The following TIPARP variants were observed in gnomAD, a reference collection of about 807,000 sequenced individuals.
TIPARP encodes the protein protein mono-ADP-ribosyltransferase TIPARP.
A neutral mutation model predicts 56.5 loss-of-function variants in TIPARP; 12 were observed. That is an observed-to-expected ratio of 0.21 (90% CI 0.14 to 0.34). The LOEUF (loss-of-function observed/expected upper bound fraction) is 0.34, where lower values mean the gene tolerates loss of function less well. TIPARP is among the 10% of genes least tolerant of loss of function. The pLI is 1.00. For synonymous variants in TIPARP, 296 were observed against 265.7 expected (o/e 1.11, Z -1.11); for missense variants, 604 against 781.6 (o/e 0.77, Z 2.71).
Position 156,694,051 on chromosome 3 carries a change from A to C in TIPARP, c.949A>C (p.Met317Leu), listed in dbSNP as rs1466086841. ...AGAATTTTGGGCAGATTTGAATGCC[A>C]TGAACGTGTATGAAACAACTGAATT... ...GQEFWADLNA[M>L]NVYETTEFDQ... Residue 317 changes from methionine to leucine, a missense_variant, in exon 3 of 6, where the codon ATG (methionine) becomes CTG (leucine). This residue lies in a region of TIPARP where 252 missense variants were observed against 303.9 expected (regional missense o/e 0.83). Coordinates refer to ENST00000295924, the MANE Select transcript of TIPARP (RefSeq NM_015508.5). 1 of 1,611,924 alleles carries C rather than the reference A, an allele frequency of 6.2e-7. No individual in the cohort carries two copies. The highest frequency in any genetic ancestry group is 1.1e-5 in the South Asian group (1 of 90,496).
chr3:156,688,703 T>C (rs1200014392), intron 2 of TIPARP, among the ~76,000 whole-genome samples: 1 of 152,196 alleles, frequency 6.6e-6, no homozygotes, highest in South Asian at 2.1e-4. Flanking sequence ...TGAAGGGATA[T>C]AAGCTGCCAG....
chr3:156,695,014 A>G (rs1054701821), intron 3 of TIPARP, among the ~76,000 whole-genome samples: 8 of 152,198 alleles, frequency 5.3e-5, no homozygotes, highest in African/African-American at 1.7e-4. Context: ...TCTACCTTCC[A>G]AAGAGAATAC....
At chr3:156,698,881 G>C (rs1259081346) in intron 4 of TIPARP, among the ~76,000 whole-genome samples, 1 of 152,146 alleles carries the variant, frequency 6.6e-6, no homozygotes, top group Non-Finnish European at 1.5e-5. Flanking sequence ...ATGCCATTAA[G>C]AACATCGTGA....
chr3:156,692,684 C>T (rs927707725), intron 2 of TIPARP, among the ~76,000 whole-genome samples: 7 of 152,056 alleles, frequency 4.6e-5, no homozygotes, highest in African/African-American at 1.7e-4. Context: ...GAACCTGATT[C>T]ATAAATTGTG....
intron 2 of TIPARP, among the ~76,000 whole-genome samples, chr3:156,693,145 A>G (rs984335809): frequency 6.6e-6 from 1 of 152,122 alleles, no homozygotes; most frequent in Admixed American, 6.6e-5. Flanking sequence ...TCTTATAGTA[A>G]CTTTCAAACA....
rs7620432 is a variant in TIPARP, at chr3:156,703,723, G to A, written c.1526+21G>A. The stretch of plus-strand genomic sequence containing the variant: ...AAAAGGTGAGTCAGATGTATGAAAA[G>A]TTCAAGACGGCCGGGCGCAGTGGCT... On this transcript the variant is annotated intron_variant, in intron 5 of 5. Coordinates refer to ENST00000295924, the MANE Select transcript of TIPARP (RefSeq NM_015508.5). 6.7e-3 allele frequency: 10,627 copies of A among 1,593,922 alleles called. 654 individuals are homozygous for A. The African/African-American group carries it at 0.13, about 19-fold the overall frequency.
intron 1 of TIPARP, chr3:156,675,805 G>C (rs1452364440): frequency 6.6e-6 from 1 of 152,094 alleles, no homozygotes; most frequent in Non-Finnish European, 1.5e-5. Context: ...TGTGTCGCCT[G>C]CCGCTGGAGA....
chr3:156,689,444 A>C (rs1157963086), intron 2 of TIPARP, among the ~76,000 whole-genome samples: 2 of 152,194 alleles, frequency 1.3e-5, no homozygotes. Flanking sequence ...AATATTGATA[A>C]ATATCCTAAT....
At chr3:156,688,939 CATA>C (rs1722501847) in intron 2 of TIPARP, among the ~76,000 whole-genome samples, 1 of 152,056 alleles carries the variant, frequency 6.6e-6, no homozygotes, top group Non-Finnish European at 1.5e-5. Flanking sequence ...CACTTTACAT[CATA>C]ATAATAAAAT....
At chr3:156,681,182 C>G (rs1370842573) in intron 2 of TIPARP, 2 of 456,636 alleles carry the variant, frequency 4.4e-6, no homozygotes, top group Non-Finnish European at 8.8e-6. Flanking sequence ...CAAGCTGGAG[C>G]AGCCCAGGTT....
chr3:156,702,888 C>T (rs1354464607), intron 4 of TIPARP, among the ~76,000 whole-genome samples: 4 of 152,102 alleles, frequency 2.6e-5, no homozygotes, highest in Non-Finnish European at 5.9e-5. Flanking sequence ...TCTTAGAAAA[C>T]GAAGCAAATG....
In TIPARP at chr3:156,704,042, A is replaced by C. The variant is rs557227636; in HGVS notation, c.1526+340A>C. Among the ~76,000 whole-genome samples, 4 of 151,746 alleles carry C rather than the reference A, an allele frequency of 2.6e-5. No homozygotes were observed. In the East Asian group the frequency reaches 7.7e-4, roughly 29 times the overall value. The stretch of plus-strand genomic sequence containing the variant: ...AAAAAAAAAAAAAAGTTCAAGAATC[A>C]AGAGAGCTTTATTGTAGCCAGTGTC... On this transcript the variant is annotated intron_variant, in intron 5 of 5. Coordinates refer to ENST00000295924, the MANE Select transcript of TIPARP (RefSeq NM_015508.5).
chr3:156,686,771 C>G (rs1013259575), intron 2 of TIPARP, among the ~76,000 whole-genome samples: 1 of 152,030 alleles, frequency 6.6e-6, no homozygotes, highest in African/African-American at 2.4e-5. Context: ...ATAACTATAA[C>G]TAGTAGTTAT....
chr3:156,677,651 TC>T lies in TIPARP; in HGVS notation c.-41-5del, dbSNP rs1431572280. On this transcript the variant is annotated splice_region_variant and splice_polypyrimidine_tract_variant and intron_variant, in intron 1 of 5. Transcript: ENST00000295924. The stretch of plus-strand genomic sequence containing the variant: ...TAAATGATCATCTTCCTTCCTTTCC[TC>T]GTAGGATTTTTAGACTCTGAGGAGC... The T allele has an allele frequency of 1.3e-6, 2 of 1,496,588 alleles. No homozygotes were observed. The highest frequency in any genetic ancestry group is 2.3e-5 in the East Asian group (1 of 43,868). 92.7% of individuals were successfully genotyped at this position (1,496,588 alleles called of 1,614,324 possible). A position where few individuals can be genotyped will look rare whatever the true frequency, so the allele number is the denominator to read the frequency against.
chr3:156,681,695 T>C lies in TIPARP; in HGVS notation c.917+3081T>C, dbSNP rs373716735. On this transcript the variant is annotated intron_variant, in intron 2 of 5. Transcript: ENST00000295924. ...ATACTAAAAGCACATTAAAAAAGGA[T>C]TTCAATAATACATGCTTATTTGTTC... Among the ~76,000 whole-genome samples the C allele has an allele frequency of 1.4e-3, 212 of 152,272 alleles. 5 individuals carry two copies. The South Asian group carries it at 0.042, about 30-fold the overall frequency.
chr3:156,689,312 C>G (rs1010948762), intron 2 of TIPARP, among the ~76,000 whole-genome samples: 1 of 152,106 alleles, frequency 6.6e-6, no homozygotes, highest in African/African-American at 2.4e-5. Context: ...TGTAATTATC[C>G]TTCATGCAGT....
rs346003 is a variant in TIPARP, at chr3:156,705,283, A to T, written c.*152A>T. The T allele has an allele frequency of 0.36, 168,792 of 466,296 alleles. 32,386 individuals carry two copies. The highest frequency in any genetic ancestry group is 0.44 in the South Asian group (15,461 of 34,932). 28.9% of individuals were successfully genotyped at this position (466,296 alleles called of 1,614,324 possible). On this transcript the variant is annotated 3_prime_UTR_variant, in exon 6 of 6. Coordinates refer to ENST00000295924, the MANE Select transcript of TIPARP (RefSeq NM_015508.5). Reference sequence around the variant, plus strand: ...TAAAGTGCTAGAAAATGCTTTTTTTAAAAAAAAAATACAAGTTTTAAAATG... The same window carrying T: ...TAAAGTGCTAGAAAATGCTTTTTTTTAAAAAAAAATACAAGTTTTAAAATG...
intron 4 of TIPARP, among the ~76,000 whole-genome samples, chr3:156,700,914 G>A (rs1478063989): frequency 4.6e-5 from 7 of 152,200 alleles, no homozygotes; most frequent in Non-Finnish European, 8.8e-5. Flanking sequence ...GAGAAGGCTG[G>A]TGTCCGTCTG....
intron 2 of TIPARP, among the ~76,000 whole-genome samples, chr3:156,693,259 AAAC>A (rs1461013353): frequency 2.0e-5 from 3 of 152,178 alleles, no homozygotes; most frequent in Non-Finnish European, 1.5e-5. Context: ...ATAAAAGAGG[AAAC>A]ACAAATGTTT....
Sources: gnomAD v4.1 joint callset for allele counts (sites outside exome capture counted in the v4.1 genomes callset) on GRCh38, gnomAD v4.1.1 for gene constraint, gnomAD v4.1.1 regional missense constraint, MANE v1.5 for transcripts, NCBI Gene and HGNC (gene_info 2026-07-23, HGNC 2026-07-21) for gene names.